Variants in KIAA2012 observed in about 807,000 individuals in gnomAD.
KIAA2012 encodes uncharacterized protein KIAA2012.
A neutral mutation model predicts 150.6 loss-of-function variants in KIAA2012; 125 were observed. That is an observed-to-expected ratio of 0.83 (90% confidence interval 0.72 to 0.96). KIAA2012 has a LOEUF of 0.96. KIAA2012 is among the 40% of genes least tolerant of loss of function. The pLI is 0.00. For missense variants in KIAA2012, 1,219 were observed against 1,354.9 expected, an observed-to-expected ratio of 0.90 and a Z score of 1.57; for synonymous variants, 462 against 504.7, an observed-to-expected ratio of 0.92 and a Z score of 1.13.
chr2:202,095,340 C>T (rs1035243577), intron 4 of KIAA2012, among the ~76,000 whole-genome samples: 4 of 152,216 alleles, frequency 2.6e-5, no homozygotes, highest in Middle Eastern at 3.2e-3. Context: ...TAGCAAAAGT[C>T]CCAGCTGCAA....
At chr2:202,090,614 G>A (rs1194392065) in intron 2 of KIAA2012, among the ~76,000 whole-genome samples, 156 bp from the exon 3 acceptor site, 1 of 152,258 alleles carries the variant, frequency 6.6e-6, no homozygotes, top group Non-Finnish European at 1.5e-5. Context: ...GAGGGCTCTT[G>A]GTTCATGTCT....
At chr2:202,089,129 G>A (rs1354536494) in intron 2 of KIAA2012, among the ~76,000 whole-genome samples, 1 of 152,208 alleles carries the variant, frequency 6.6e-6, no homozygotes, top group Non-Finnish European at 1.5e-5. Context: ...CTGTTCTGAA[G>A]GGTAGAAAGA....
rs778701388 is a variant in KIAA2012, at chr2:202,193,235, G to A, written c.2812-66G>A. ...GATTAGAGACAACACTGTCTGGGGT[G>A]GAGAAGGGCTCACTGCTGAGACAGA... On this transcript the variant is annotated intron_variant, in intron 19 of 23. Coordinates refer to ENST00000498697, the MANE Select transcript of KIAA2012 (RefSeq NM_001277372.4). 1.1e-4 allele frequency: 159 copies of A among 1,432,004 alleles called. 2 individuals carry two copies. The highest frequency in any genetic ancestry group is 4.8e-4 in the Middle Eastern group (2 of 4,182). 88.7% of individuals were successfully genotyped at this position (1,432,004 alleles called of 1,614,324 possible). A position where few individuals can be genotyped will look rare whatever the true frequency, so the allele number is the denominator to read the frequency against.
chr2:202,119,590 G>C (rs1490088889), intron 11 of KIAA2012, among the ~76,000 whole-genome samples: 2 of 152,190 alleles, frequency 1.3e-5, no homozygotes, highest in Non-Finnish European at 2.9e-5. Flanking sequence ...TTGAAGTGGA[G>C]ATGGTCTAAT....
intron 2 of KIAA2012, chr2:202,077,084 C>A (rs889631014): frequency 1.8e-5 from 8 of 455,980 alleles, no homozygotes; most frequent in Non-Finnish European, 3.5e-5. Flanking sequence ...CCCACTATGA[C>A]CCCCAGCTCC....
intron 15 of KIAA2012, among the ~76,000 whole-genome samples, chr2:202,167,266 C>T (rs1691788784): frequency 6.6e-6 from 1 of 152,162 alleles, no homozygotes; most frequent in Non-Finnish European, 1.5e-5. Flanking sequence ...TGTTTATTTC[C>T]TAGGCCAATG....
intron 12 of KIAA2012, among the ~76,000 whole-genome samples, chr2:202,133,130 A>ATATATATATATATATATTTTTTTTTTTT (rs1279080237): frequency 3.0e-5 from 2 of 67,782 alleles, no homozygotes; most frequent in Non-Finnish European, 5.8e-5. Context: ...ATATATATAT[A>ATATATATATATATATATTTTTTTTTTTT]TTTTTTTTTT....
chr2:202,081,627 A>G (rs1437219662), intron 2 of KIAA2012, among the ~76,000 whole-genome samples: 3 of 150,142 alleles, frequency 2.0e-5, no homozygotes, highest in Non-Finnish European at 4.4e-5. Context: ...AGCTCACCAC[A>G]ACCTCTGCCT....
intron 22 of KIAA2012, chr2:202,197,451 G>A (rs540799986): frequency 5.7e-6 from 1 of 176,476 alleles, no homozygotes; most frequent in South Asian, 1.4e-4. Context: ...GAGTAAGCAA[G>A]ACAGAGAAGG....
At chr2:202,134,961 A>G (rs1293623754) in intron 12 of KIAA2012, among the ~76,000 whole-genome samples, 2 of 152,262 alleles carry the variant, frequency 1.3e-5, no homozygotes, top group Non-Finnish European at 2.9e-5. Context: ...ATTCCCTGCT[A>G]GAATCAGATG....
intron 15 of KIAA2012, among the ~76,000 whole-genome samples, chr2:202,170,561 C>G (rs925140116): frequency 2.0e-5 from 3 of 152,198 alleles, no homozygotes; most frequent in African/African-American, 7.2e-5. Flanking sequence ...AAAACACACT[C>G]CTTACTGCAG....
chr2:202,200,097 A>C (rs188853092), intron 22 of KIAA2012, among the ~76,000 whole-genome samples: 29 of 151,522 alleles, frequency 1.9e-4, no homozygotes, highest in African/African-American at 6.5e-4. Flanking sequence ...CGCCCAGCTA[A>C]TTTTTGTATT....
At chr2:202,146,370 CGCCTGTAATCCCAGAACTTTGGGA>C in intron 13 of KIAA2012, among the ~76,000 whole-genome samples, 1 of 151,998 alleles carries the variant, frequency 6.6e-6, no homozygotes, top group Non-Finnish European at 1.5e-5. Flanking sequence ...CAGTGGCTCA[CGCCTGTAATCCCAGAACTTTGGGA>C]GGCTGAGGTG....
chr2:202,142,552 T>C (rs1691215115), intron 13 of KIAA2012, among the ~76,000 whole-genome samples: 1 of 152,210 alleles, frequency 6.6e-6, no homozygotes, highest in African/African-American at 2.4e-5. Context: ...ATTTCTAATT[T>C]TGTGGCTAAT....
chr2:202,122,501 T>G (rs1360595050), intron 11 of KIAA2012, among the ~76,000 whole-genome samples: 2 of 147,602 alleles, frequency 1.4e-5, no homozygotes, highest in Admixed American at 1.3e-4. Flanking sequence ...ATCCGCTCTT[T>G]TTTTTTTTTT....
chr2:202,184,665 A>G (rs946222897), intron 15 of KIAA2012, 88 bp from the exon 16 acceptor site: 15 of 852,398 alleles, frequency 1.8e-5, no homozygotes, highest in African/African-American at 5.3e-5. Context: ...GCCTTTGGCT[A>G]CTCACCAGGT....
At chr2:202,105,450 A>G (rs1399660869) in intron 8 of KIAA2012, among the ~76,000 whole-genome samples, 5 of 152,228 alleles carry the variant, frequency 3.3e-5, no homozygotes. Context: ...CTGCAATTCC[A>G]TGCTAATCTC....
intron 13 of KIAA2012, among the ~76,000 whole-genome samples, chr2:202,148,760 C>G (rs1028268845): frequency 6.6e-6 from 1 of 152,176 alleles, no homozygotes; most frequent in African/African-American, 2.4e-5. Flanking sequence ...CCAGGGAAAC[C>G]TAGACAGAGA....
chr2:202,079,094 G>A (rs1285141537), intron 2 of KIAA2012, among the ~76,000 whole-genome samples: 1 of 152,106 alleles, frequency 6.6e-6, no homozygotes, highest in Non-Finnish European at 1.5e-5. Flanking sequence ...CTACTCAGGA[G>A]GCTGATACAT....
Sources: allele counts gnomAD v4.1 joint callset (sites outside exome capture counted in the v4.1 genomes callset), GRCh38; gene constraint gnomAD v4.1.1; transcripts MANE v1.5; gene names NCBI Gene and HGNC (gene_info 2026-07-23, HGNC 2026-07-21).